Variants in ZNF789 observed in about 807,000 individuals in gnomAD.
ZNF789 encodes the protein zinc finger protein 789.
A neutral mutation model predicts 15.6 loss-of-function variants in ZNF789; 11 were observed. The ratio of observed to expected loss-of-function variants is 0.70; its 90% CI spans 0.44 to 1.16. The LOEUF is 1.16. ZNF789 is among the 50% of genes most tolerant of loss of function. ZNF789 has a pLI of 0.00. For missense variants in ZNF789, 461 were observed against 512.6 expected, an observed-to-expected ratio of 0.90 and a Z score of 0.97; for synonymous variants, 159 against 176.0, an observed-to-expected ratio of 0.90 and a Z score of 0.76.
At chr7:99,485,067 C>A in intron 4 of ZNF789, 1 of 955,350 alleles carries the variant, frequency 1.0e-6, no homozygotes, top group South Asian at 1.7e-5. Context: ...TCTTAGGGCA[C>A]CCTGGATGCC....
At chr7:99,476,036 C>T (rs566481674) in intron 1 of ZNF789, among the ~76,000 whole-genome samples, 2 of 152,070 alleles carry the variant, frequency 1.3e-5, no homozygotes, top group East Asian at 3.9e-4. Flanking sequence ...ATCTTCTGAC[C>T]TCGTGATCCA....
In ZNF789 at chr7:99,484,077, G is replaced by A. The variant is rs1240813670; in HGVS notation, c.199G>A (p.Asp67Asn). The change falls in exon 4 of 5, where the codon GAC (aspartate) becomes AAC (asparagine). Residue 67 changes from aspartate to asparagine, a missense_variant. Transcript: ENST00000331410. ...GATGATCTGTCAGCTGGAGAACTGG[G>A]ACGAGCAGTGGATCCTGGATCTACC... ...PEMICQLENW[D>N]EQWILDLPRT... 16 of 1,614,012 alleles carry A rather than the reference G, an allele frequency of 9.9e-6. No individual in the cohort carries two copies. Among genetic ancestry groups the A allele is most frequent in the Non-Finnish European group, 1.3e-5 (15 of 1,180,036 alleles).
chr7:99,486,615 T>C lies in ZNF789; in HGVS notation c.405T>C (p.Phe135=), dbSNP rs139744911. Residue 135 remains phenylalanine, a synonymous_variant, in exon 5 of 5, where the codon TTT becomes TTC. Transcript: ENST00000331410. ...AAAAGTTACATAAGTGTAAAGAATT[T>C]GTGGACAGTTGCAGGCTTACTTTCC... ...LSEKLHKCKE[F]VDSCRLTFPT... is the part of the protein sequence containing the mutation. 4 of 1,614,074 alleles carry C rather than the reference T, an allele frequency of 2.5e-6. No homozygotes were observed. The African/African-American group carries it at 5.3e-5, about 22-fold the overall frequency.
intron 3 of ZNF789, chr7:99,482,473 G>A: frequency 1.9e-6 from 1 of 536,590 alleles, no homozygotes; most frequent in Non-Finnish European, 3.3e-6. Context: ...TCGGATTTGG[G>A]AGCATTTTGG....
chr7:99,479,481 C>A, intron 2 of ZNF789, 180 bp from the exon 3 acceptor site: 1 of 556,844 alleles, frequency 1.8e-6, no homozygotes, highest in South Asian at 4.9e-5. Context: ...GTATGGAAGC[C>A]AGCACATGTC....
intron 3 of ZNF789, chr7:99,480,674 A>G (rs963674158): frequency 2.0e-5 from 3 of 152,202 alleles, no homozygotes; most frequent in Non-Finnish European, 2.9e-5. Flanking sequence ...TTCTCTGGAA[A>G]TGGGTAACTT....
At chr7:99,484,518 G>A (rs1186113239) in intron 4 of ZNF789, among the ~76,000 whole-genome samples, 3 of 152,234 alleles carry the variant, frequency 2.0e-5, no homozygotes, top group African/African-American at 7.2e-5. Context: ...TACCTGGGAG[G>A]CTGAGGCAGG....
Position 99,486,812 on chromosome 7 carries a change from ATGAATGCAG to A in ZNF789, c.609_617del (p.Ser204_Cys206del). On this transcript the variant is annotated inframe_deletion, in exon 5 of 5. Transcript: ENST00000331410. ...CGAATTCTCACAAGAGCAAAGTCTT[ATGAATGCAG>A]TGAATGTGGAAAAGTCATTAGGCGT... is the stretch of plus-strand genomic sequence containing the variant. The A allele has an allele frequency of 6.2e-7, 1 of 1,614,254 alleles. No homozygotes were observed.
chr7:99,480,694 T>C (rs1274061376), intron 3 of ZNF789: 2 of 152,242 alleles, frequency 1.3e-5, no homozygotes, highest in African/African-American at 2.4e-5. Flanking sequence ...TCTTGGTGTG[T>C]AACATTAGTG....
intron 2 of ZNF789, among the ~76,000 whole-genome samples, chr7:99,476,685 T>G (rs1236805569): frequency 6.6e-6 from 1 of 152,208 alleles, no homozygotes; most frequent in Non-Finnish European, 1.5e-5. Context: ...AATGGGTCAG[T>G]GAGAGTGCCT....
intron 1 of ZNF789, among the ~76,000 whole-genome samples, chr7:99,474,450 G>C (rs368527121): frequency 1.1e-4 from 17 of 151,988 alleles, no homozygotes; most frequent in East Asian, 3.9e-4. Context: ...AAAAATTAGC[G>C]GGGCGTGGTG....
intron 2 of ZNF789, chr7:99,478,892 A>T (rs1315189997): frequency 6.5e-6 from 1 of 153,994 alleles, no homozygotes; most frequent in Non-Finnish European, 1.4e-5. Context: ...AGGGCGCCGG[A>T]GGCCTGGGGA....
rs1040746729 is a variant in ZNF789, at chr7:99,472,935, G to C, written c.-176G>C. 1.3e-5 allele frequency: 2 copies of C among 152,350 alleles called. No individual in the cohort carries two copies. The highest frequency in any genetic ancestry group is 2.9e-5 in the Non-Finnish European group (2 of 68,134). 9.4% of individuals were successfully genotyped at this position (152,350 alleles called of 1,614,324 possible). A position where few individuals can be genotyped will look rare whatever the true frequency, so the allele number is the denominator to read the frequency against. The stretch of plus-strand genomic sequence containing the variant: ...CCAGAGTGGTTGTGTCTGTTCCTCC[G>C]GTAAGGGGTGATTCGCCGAGGGGCG... On this transcript the variant is annotated 5_prime_UTR_variant, in exon 1 of 5. Coordinates refer to ENST00000331410, the MANE Select transcript of ZNF789 (RefSeq NM_213603.3).
intron 4 of ZNF789, 128 bp from the exon 5 acceptor site, chr7:99,486,348 C>CTGATG (rs1336703865): frequency 1.0e-6 from 1 of 965,016 alleles, no homozygotes; most frequent in Non-Finnish European, 1.5e-6. Context: ...CCTCTTGAGT[C>CTGATG]TGATGATGTA....
intron 3 of ZNF789, chr7:99,482,370 C>T: frequency 3.0e-6 from 2 of 668,500 alleles, no homozygotes; most frequent in Non-Finnish European, 5.5e-6. Flanking sequence ...GCTGAATTAA[C>T]TGTGTGTTGT....
chr7:99,486,733 TATG>T lies in ZNF789; in HGVS notation c.528_530del (p.Asp176del), dbSNP rs1224850060. ...GCAAACAAGGTGGAAGCAGGGCAGA[TATG>T]ATGAGGATGGCAAACCCTTCAATCA... On this transcript the variant is annotated inframe_deletion, in exon 5 of 5. Coordinates refer to ENST00000331410, the MANE Select transcript of ZNF789 (RefSeq NM_213603.3). The T allele has an allele frequency of 6.2e-7, 1 of 1,614,250 alleles. No individual in the cohort carries two copies. Among genetic ancestry groups the T allele is most frequent in the Non-Finnish European group, 8.5e-7 (1 of 1,180,044 alleles).
At chr7:99,475,345 A>C (rs1439707870) in intron 1 of ZNF789, among the ~76,000 whole-genome samples, 1 of 152,124 alleles carries the variant, frequency 6.6e-6, no homozygotes, top group Non-Finnish European at 1.5e-5. Context: ...CAGTGAGCAG[A>C]GATCACACCA....
rs1248813491 is a variant in ZNF789, at chr7:99,486,742, G to T, written c.532G>T (p.Asp178Tyr). The change falls in exon 5 of 5, where the codon GAT (aspartate) becomes TAT (tyrosine). Residue 178 changes from aspartate (D) to tyrosine (Y), a missense_variant. By Grantham distance (160) the Asp-to-Tyr change is radical (BLOSUM62 -3). Coordinates refer to ENST00000331410, the MANE Select transcript of ZNF789 (RefSeq NM_213603.3). Reference sequence around the variant, plus strand: ...GTGGAAGCAGGGCAGATATGATGAGGATGGCAAACCCTTCAATCAAAGATC... The same window carrying T: ...GTGGAAGCAGGGCAGATATGATGAGTATGGCAAACCCTTCAATCAAAGATC... Reference protein sequence around the residue: ...TRWKQGRYDEDGKPFNQRSLL... With the variant: ...TRWKQGRYDEYGKPFNQRSLL... 3.2e-5 allele frequency: 51 copies of T among 1,614,098 alleles called. No homozygotes were observed. Among genetic ancestry groups the T allele is most frequent in the Non-Finnish European group, 4.2e-5 (49 of 1,180,050 alleles).
At position 99,487,600 on chromosome 7, in the gene ZNF789, A is replaced by T. The variant is rs1384567293; in HGVS notation, c.*112A>T. 2.3e-6 allele frequency: 3 copies of T among 1,290,866 alleles called. No individual in the cohort carries two copies. Among genetic ancestry groups the T allele is most frequent in the African/African-American group, 1.5e-5 (1 of 66,592 alleles). 80.0% of individuals were successfully genotyped at this position (1,290,866 alleles called of 1,614,324 possible). ...AATAAATGTAACAAAGGGTTTTTCTATGGGAGCCATCTTTGTGTAGCCAAT... is the reference window on the plus strand; with the variant it reads ...AATAAATGTAACAAAGGGTTTTTCTTTGGGAGCCATCTTTGTGTAGCCAAT... On this transcript the variant is annotated 3_prime_UTR_variant, in exon 5 of 5. Coordinates refer to ENST00000331410, the MANE Select transcript of ZNF789 (RefSeq NM_213603.3).
Sources: allele counts gnomAD v4.1 joint callset (sites outside exome capture counted in the v4.1 genomes callset), GRCh38; gene constraint gnomAD v4.1.1; transcripts MANE v1.5; gene names NCBI Gene and HGNC (gene_info 2026-07-23, HGNC 2026-07-21).